Variants in CCDC83 observed in about 807,000 individuals in gnomAD.
CCDC83 encodes the protein coiled-coil domain-containing protein 83.
CCDC83 carries 54 observed loss-of-function variants against 50.1 expected under a neutral mutation model. The observed-to-expected ratio is 1.08, with a 90% CI of 0.87 to 1.35. CCDC83 has a LOEUF of 1.35. CCDC83 is among the 40% of genes most tolerant of loss of function. The pLI is 0.00. For missense variants in CCDC83, 518 were observed against 473.9 expected (o/e 1.09, Z -0.86); for synonymous variants, 161 against 153.3 (o/e 1.05, Z -0.37).
At chr11:85,909,437 A>C (rs947030223) in intron 7 of CCDC83, among the ~76,000 whole-genome samples, 2 of 151,932 alleles carry the variant, frequency 1.3e-5, no homozygotes, top group Admixed American at 6.6e-5. Flanking sequence ...TCTTGCTTCT[A>C]ATTCTCCTAT....
At chr11:85,900,785 C>G (rs909239100) in intron 7 of CCDC83, among the ~76,000 whole-genome samples, 1 of 152,132 alleles carries the variant, frequency 6.6e-6, no homozygotes, top group Non-Finnish European at 1.5e-5. Flanking sequence ...AATAATCTGG[C>G]CAGGCATAGT....
chr11:85,916,196 T>G lies in CCDC83; in HGVS notation c.1043T>G (p.Met348Arg). ...NSGTEFGDTD[M>R]KYLLYEDEKD... is the part of the protein sequence containing the mutation. Reference sequence around the variant, plus strand: ...GGCACAGAGTTTGGGGACACTGATATGAAGTACTTACTATATGAGGATGAG... The same window carrying G: ...GGCACAGAGTTTGGGGACACTGATAGGAAGTACTTACTATATGAGGATGAG... Residue 348 changes from methionine to arginine, a missense_variant, in exon 10 of 11, where the codon ATG becomes AGG. Transcript: ENST00000342404. The G allele has an allele frequency of 6.2e-7, 1 of 1,612,930 alleles. No individual in the cohort carries two copies. Among genetic ancestry groups the G allele is most frequent in the Non-Finnish European group, 8.5e-7 (1 of 1,179,262 alleles).
intron 3 of CCDC83, among the ~76,000 whole-genome samples, chr11:85,880,474 C>T (rs1032762746): frequency 6.6e-6 from 1 of 152,016 alleles, no homozygotes; most frequent in Admixed American, 6.6e-5. Context: ...TGGGGTTTCA[C>T]CATGTTGCCC....
intron 7 of CCDC83, 100 bp from the exon 8 acceptor site, chr11:85,911,181 A>G: frequency 1.9e-6 from 2 of 1,073,174 alleles, no homozygotes; most frequent in Non-Finnish European, 2.5e-6. Flanking sequence ...CAAATAAAAA[A>G]AAAAAAAAAA....
intron 5 of CCDC83, among the ~76,000 whole-genome samples, chr11:85,889,668 CCT>C (rs1433997620): frequency 6.6e-5 from 10 of 152,188 alleles, no homozygotes; most frequent in African/African-American, 1.9e-4. Flanking sequence ...ACCATCATCC[CCT>C]CTTTTTCTCC....
At chr11:85,891,035 T>A (rs562329594) in intron 5 of CCDC83, among the ~76,000 whole-genome samples, 4 of 152,190 alleles carry the variant, frequency 2.6e-5, no homozygotes, top group Non-Finnish European at 5.9e-5. Context: ...GAAGACAGAA[T>A]GATATCAGCG....
chr11:85,915,442 C>A lies in CCDC83; in HGVS notation c.818C>A (p.Ala273Asp). 6.2e-7 allele frequency: 1 copy of A among 1,613,214 alleles called. No homozygotes were observed. Among genetic ancestry groups the A allele is most frequent in the Non-Finnish European group, 8.5e-7 (1 of 1,179,530 alleles). ...IPRRLYLTQA[A>D]GLEVPPEEMS... ...AGGCGACTATATCTTACCCAAGCTGCTGGACTAGAAGTGCCACCTGAAGAA... is the reference window on the plus strand; with the variant it reads ...AGGCGACTATATCTTACCCAAGCTGATGGACTAGAAGTGCCACCTGAAGAA... The change falls in exon 9 of 11, where the codon GCT (alanine) becomes GAT (aspartate). Residue 273 changes from alanine (A) to aspartate (D), a missense_variant. Coordinates refer to ENST00000342404, the MANE Select transcript of CCDC83 (RefSeq NM_001286159.2).
At chr11:85,864,544 G>T (rs973251130) in intron 1 of CCDC83, among the ~76,000 whole-genome samples, 1 of 151,920 alleles carries the variant, frequency 6.6e-6, no homozygotes, top group Non-Finnish European at 1.5e-5. Context: ...ATTATTATTC[G>T]CATGTGTAAA....
chr11:85,887,128 G>T (rs2093330891), intron 5 of CCDC83, among the ~76,000 whole-genome samples: 1 of 152,136 alleles, frequency 6.6e-6, no homozygotes, highest in Admixed American at 6.6e-5. Context: ...GGAAAAACTG[G>T]GGAACAAACA....
chr11:85,881,680 A>C (rs2093301353), intron 3 of CCDC83, among the ~76,000 whole-genome samples: 1 of 152,128 alleles, frequency 6.6e-6, no homozygotes, highest in South Asian at 2.1e-4. Flanking sequence ...CTGCCTCCCA[A>C]AGCACTGGAA....
chr11:85,915,350 T>C lies in CCDC83; in HGVS notation c.795-69T>C, dbSNP rs773210418. The C allele has an allele frequency of 5.2e-5, 56 of 1,071,482 alleles. 1 individual carries two copies. Among genetic ancestry groups the C allele is most frequent in the Admixed American group, 9.8e-5 (5 of 51,192 alleles). The allele number at this position is 1,071,482 out of a possible 1,614,324, so 66.4% of individuals were successfully genotyped here. A position where few individuals can be genotyped will look rare whatever the true frequency, so the allele number is the denominator to read the frequency against. ...GCATTTCTAGCACCTAGTAGAGAGA[T>C]AGACCCTAGTAAGCATGCAATGCAA... On this transcript the variant is annotated intron_variant, in intron 8 of 10. Transcript: ENST00000342404.
intron 2 of CCDC83, among the ~76,000 whole-genome samples, chr11:85,869,055 A>G (rs973917592): frequency 6.6e-6 from 1 of 152,190 alleles, no homozygotes. Context: ...AACAAATACA[A>G]TGTTATTTTT....
intron 3 of CCDC83, among the ~76,000 whole-genome samples, chr11:85,881,297 A>G (rs1479742504): frequency 6.6e-6 from 1 of 151,950 alleles, no homozygotes; most frequent in Non-Finnish European, 1.5e-5. Context: ...CGCTTGAACC[A>G]GGGAAGTGGA....
intron 2 of CCDC83, among the ~76,000 whole-genome samples, chr11:85,869,972 G>C (rs78398736): frequency 2.0e-5 from 3 of 152,176 alleles, no homozygotes; most frequent in African/African-American, 7.2e-5. Context: ...GGGCATCTCA[G>C]AATTCCCCAC....
intron 9 of CCDC83, 27 bp downstream of exon 9, chr11:85,915,525 TG>T: frequency 6.6e-7 from 1 of 1,522,206 alleles, no homozygotes. Flanking sequence ...ATAATGATGA[TG>T]ATTTTTTTCA....
chr11:85,889,475 C>T (rs1267807072), intron 5 of CCDC83, among the ~76,000 whole-genome samples: 1 of 152,214 alleles, frequency 6.6e-6, no homozygotes, highest in Non-Finnish European at 1.5e-5. Flanking sequence ...CCATGGGGCG[C>T]AGCCATAAGA....
At chr11:85,857,233 C>T (rs1000385423) in intron 1 of CCDC83, among the ~76,000 whole-genome samples, 11 of 152,224 alleles carry the variant, frequency 7.2e-5, no homozygotes, top group Admixed American at 1.3e-4. Flanking sequence ...AGGGCACGCG[C>T]ATCACCAGTT....
chr11:85,874,471 G>A (rs1453860631), intron 3 of CCDC83, among the ~76,000 whole-genome samples: 1 of 152,192 alleles, frequency 6.6e-6, no homozygotes, highest in Admixed American at 6.5e-5. Flanking sequence ...TAAAGTTCTT[G>A]TTTCCATGAA....
chr11:85,899,338 T>C (rs1283412958), intron 7 of CCDC83, among the ~76,000 whole-genome samples: 1 of 152,232 alleles, frequency 6.6e-6, no homozygotes, highest in Non-Finnish European at 1.5e-5. Context: ...TAAAGGACCA[T>C]TCTAAGCTGA....
Sources: allele counts gnomAD v4.1 joint callset (sites outside exome capture counted in the v4.1 genomes callset), GRCh38; gene constraint gnomAD v4.1.1; transcripts MANE v1.5; gene names NCBI Gene and HGNC (gene_info 2026-07-23, HGNC 2026-07-21).